Variants in BCL7A observed in about 807,000 individuals in gnomAD.
BCL7A encodes the protein B-cell CLL/lymphoma 7 protein family member A.
BCL7A carries 11 observed loss-of-function variants against 28.4 expected under a neutral mutation model. The observed-to-expected ratio is 0.39, with a 90% CI of 0.24 to 0.64. The LOEUF is 0.64. BCL7A is among the 30% of genes least tolerant of loss of function. The pLI, the probability that BCL7A is intolerant of heterozygous loss-of-function variation, is 0.50. For synonymous variants in BCL7A, 123 were observed against 103.3 expected (o/e 1.19, Z -1.15); for missense variants, 222 against 274.8 (o/e 0.81, Z 1.36).
rs565559548 is a variant in BCL7A, at chr12:122,030,870, G to C, written c.174+89G>C. ...GGGAGATTGTCCACTGCTACCCACC[G>C]TGCTGGGGCTCTGGGACCAAGAGCC... On this transcript the variant is annotated intron_variant, in intron 2 of 5. Transcript: ENST00000261822. The C allele has an allele frequency of 2.8e-4, 376 of 1,359,030 alleles. 3 individuals are homozygous for C. The East Asian group carries it at 8.3e-3, about 30-fold the overall frequency. 84.2% of individuals were successfully genotyped at this position (1,359,030 alleles called of 1,614,324 possible). A position where few individuals can be genotyped will look rare whatever the true frequency, so the allele number is the denominator to read the frequency against.
chr12:122,034,365 G>A (rs994768793), intron 2 of BCL7A, among the ~76,000 whole-genome samples: 9 of 146,134 alleles, frequency 6.2e-5, no homozygotes, highest in Non-Finnish European at 1.0e-4. Context: ...AATGTACCAC[G>A]ATTGATTTAA....
intron 3 of BCL7A, among the ~76,000 whole-genome samples, chr12:122,041,575 G>A (rs1419129165): frequency 1.3e-5 from 2 of 150,968 alleles, no homozygotes; most frequent in Non-Finnish European, 3.0e-5. Flanking sequence ...GACAGCCTGG[G>A]CAACATAGTG....
At chr12:122,054,763 A>T in intron 4 of BCL7A, 42 bp from the exon 5 acceptor site, 2 of 1,596,666 alleles carry the variant, frequency 1.3e-6, no homozygotes, top group Non-Finnish European at 1.7e-6. Context: ...CCCGCCTCTC[A>T]CGTGTCTGAA....
chr12:122,025,646 AAG>A (rs1883610124), intron 1 of BCL7A, among the ~76,000 whole-genome samples: 1 of 147,848 alleles, frequency 6.8e-6, no homozygotes, highest in African/African-American at 2.5e-5. Context: ...AAAGAAGAAG[AAG>A]AAAAAAGAAA....
chr12:122,030,933 C>A, intron 2 of BCL7A, 152 bp downstream of exon 2: 1 of 739,994 alleles, frequency 1.4e-6, no homozygotes, highest in Non-Finnish European at 2.3e-6. Flanking sequence ...CCTGGGGAGG[C>A]TGCTGTACCA....
intron 1 of BCL7A, among the ~76,000 whole-genome samples, chr12:122,025,531 G>A (rs1393494831): frequency 1.3e-5 from 2 of 151,986 alleles, no homozygotes; most frequent in Admixed American, 6.6e-5. Flanking sequence ...GGAGGCTGAG[G>A]CAGGAGAATG....
intron 5 of BCL7A, among the ~76,000 whole-genome samples, chr12:122,057,847 A>G (rs185049041): frequency 7.9e-5 from 12 of 152,246 alleles, no homozygotes; most frequent in Non-Finnish European, 1.8e-4. Context: ...CTGCAGGAGC[A>G]GGAGTCTACA....
chr12:122,044,366 A>G, intron 4 of BCL7A: 1 of 266,872 alleles, frequency 3.7e-6, no homozygotes, highest in South Asian at 6.5e-5. Flanking sequence ...AAAATAGCCA[A>G]GTGTGGTGGC....
chr12:122,054,795 C>T lies in BCL7A; in HGVS notation c.440-10C>T, dbSNP rs2135860642. On this transcript the variant is annotated splice_polypyrimidine_tract_variant and intron_variant, in intron 4 of 5. Coordinates refer to ENST00000261822, the MANE Select transcript of BCL7A (RefSeq NM_001024808.3). ...TGAAAACAGCTCCTGTCGTCTTGCT[C>T]TTCCCTCAGATGCTTCTGATGAGCA... 3 of 1,611,104 alleles carry T rather than the reference C, an allele frequency of 1.9e-6. No homozygotes were observed. Among genetic ancestry groups the T allele is most frequent in the Non-Finnish European group, 2.5e-6 (3 of 1,177,916 alleles).
chr12:122,021,993 C>A lies in BCL7A; in HGVS notation c.-99C>A. 3 of 928,066 alleles carry A rather than the reference C, an allele frequency of 3.2e-6. No individual in the cohort carries two copies. The highest frequency in any genetic ancestry group is 1.5e-5 in the South Asian group (1 of 65,876). The allele number at this position is 928,066 out of a possible 1,614,324, so 57.5% of individuals were successfully genotyped here. Reference sequence around the variant, plus strand: ...GTGTGAGAGTGCGAGTGTCTGTGCGCGAGTGAGTGAGCGGCGGGCGGGCGC... The same window carrying A: ...GTGTGAGAGTGCGAGTGTCTGTGCGAGAGTGAGTGAGCGGCGGGCGGGCGC... On this transcript the variant is annotated 5_prime_UTR_variant, in exon 1 of 6. Transcript: ENST00000261822.
Position 122,059,667 on chromosome 12 carries a change from G to A in BCL7A, c.*504G>A, listed in dbSNP as rs1032303685. 5 of 233,006 alleles carry A rather than the reference G, an allele frequency of 2.1e-5. No homozygotes were observed. The highest frequency in any genetic ancestry group is 1.8e-4 in the South Asian group (1 of 5,558). 14.4% of individuals were successfully genotyped at this position (233,006 alleles called of 1,614,324 possible). A position where few individuals can be genotyped will look rare whatever the true frequency, so the allele number is the denominator to read the frequency against. ...GCAAAGTGCCCTCTTGGTTTGGTTC[G>A]GGCGGCGGCTGCCACCCTACTCACC... is the stretch of plus-strand genomic sequence containing the variant. On this transcript the variant is annotated 3_prime_UTR_variant, in exon 6 of 6. Transcript: ENST00000261822. This position sits in a 1 kb window ranked among gnomAD's most constrained non-coding sequence, Gnocchi z 4.0.
Position 122,044,022 on chromosome 12 carries a change from G to A in BCL7A, c.408G>A (p.Gln136=), listed in dbSNP as rs1884018159. 1.2e-6 allele frequency: 2 copies of A among 1,613,762 alleles called. No homozygotes were observed. Among genetic ancestry groups the A allele is most frequent in the African/African-American group, 2.7e-5 (2 of 74,932 alleles). Residue 136 remains glutamine, a synonymous_variant, in exon 4 of 6, where the codon CAG becomes CAA. Transcript: ENST00000261822. ...CCGAGGCCAAGGTGGATGAGGCCCAGGCTGATGGGAAGGAGCACCCAGGAG... is the reference window on the plus strand; with the variant it reads ...CCGAGGCCAAGGTGGATGAGGCCCAAGCTGATGGGAAGGAGCACCCAGGAG... The part of the protein sequence containing the change: ...DGTEAKVDEA[Q]ADGKEHPGAE...
rs538758436 is a variant in BCL7A at position 122,043,481 on chromosome 12, C to T, written c.272-405C>T. ...GGAGGCGTATCCAGTATCCAGACCC[C>T]TACCACACGGCCGGGTGCAGTGGCT... On this transcript the variant is annotated intron_variant, in intron 3 of 5. Coordinates refer to ENST00000261822, the MANE Select transcript of BCL7A (RefSeq NM_001024808.3). Among the ~76,000 whole-genome samples the T allele has an allele frequency of 2.7e-3, 415 of 152,084 alleles. 2 individuals carry two copies. Among genetic ancestry groups the T allele is most frequent in the African/African-American group, 9.5e-3 (395 of 41,480 alleles).
chr12:122,021,916 T>TTGTGTGTGTG lies in BCL7A; in HGVS notation c.-172_-163dup, dbSNP rs72047889. 2.8e-5 allele frequency: 10 copies of TTGTGTGTGTG among 353,920 alleles called. No individual in the cohort carries two copies. The highest frequency in any genetic ancestry group is 4.1e-5 in the Non-Finnish European group (8 of 192,804). 21.9% of individuals were successfully genotyped at this position (353,920 alleles called of 1,614,324 possible). ...GCCAGGCGCGCGGCGGCCCCGGGCT[T>TTGTGTGTGTG]TGTGTGTGTGTGTATGTGTGTGTGT... On this transcript the variant is annotated 5_prime_UTR_variant, in exon 1 of 6. Coordinates refer to ENST00000261822, the MANE Select transcript of BCL7A (RefSeq NM_001024808.3).
chr12:122,023,790 C>T (rs376858220), intron 1 of BCL7A, among the ~76,000 whole-genome samples: 27 of 152,352 alleles, frequency 1.8e-4, no homozygotes, highest in African/African-American at 5.8e-4. Flanking sequence ...CCGCAGCCCC[C>T]TCTACTGTGG....
chr12:122,049,759 G>A (rs1884153358), intron 4 of BCL7A, among the ~76,000 whole-genome samples: 1 of 152,072 alleles, frequency 6.6e-6, no homozygotes, highest in Non-Finnish European at 1.5e-5. Flanking sequence ...CAGTCCTGCG[G>A]GGGGTCTGGT....
rs766356628 is a variant in BCL7A at position 122,054,765 on chromosome 12, G to A, written c.440-40G>A. On this transcript the variant is annotated intron_variant, in intron 4 of 5. Transcript: ENST00000261822. ...TGGCCCCACCGGCCCCGCCTCTCAC[G>A]TGTCTGAAAACAGCTCCTGTCGTCT... 2.8e-5 allele frequency: 45 copies of A among 1,598,246 alleles called. No individual in the cohort carries two copies. In the East Asian group the frequency reaches 6.3e-4, roughly 22 times the overall value.
intron 1 of BCL7A, among the ~76,000 whole-genome samples, chr12:122,030,064 G>A (rs1335413860): frequency 6.6e-6 from 1 of 152,158 alleles, no homozygotes; most frequent in Non-Finnish European, 1.5e-5. Context: ...GTCACTAGGA[G>A]CCCTGAATCA....
At chr12:122,030,346 C>T (rs1883715422) in intron 1 of BCL7A, among the ~76,000 whole-genome samples, 2 of 152,246 alleles carry the variant, frequency 1.3e-5, no homozygotes, top group African/African-American at 4.8e-5. Context: ...CTCTCTGCTG[C>T]CCAGACAGGC....
Sources: allele counts gnomAD v4.1 joint callset (sites outside exome capture counted in the v4.1 genomes callset), GRCh38; gene constraint gnomAD v4.1.1; non-coding constraint Gnocchi (gnomAD v3.1); transcripts MANE v1.5; gene names NCBI Gene and HGNC (gene_info 2026-07-23, HGNC 2026-07-21).